SPTBN2: variants seen among roughly 807,000 people sequenced by gnomAD.
SPTBN2 encodes spectrin beta chain, non-erythrocytic 2.
A neutral mutation model predicts 284.2 loss-of-function variants in SPTBN2; 107 were observed. The observed-to-expected ratio is 0.38, with a 90% CI of 0.32 to 0.44. The LOEUF is 0.44. SPTBN2 is among the 20% of genes least tolerant of loss of function. The pLI is 1.00. For synonymous variants in SPTBN2, 1,289 were observed against 1,354.8 expected (o/e 0.95, Z 1.07); for missense variants, 2,569 against 3,287.1 (o/e 0.78, Z 5.34).
chr11:66,722,664 C>T (rs1304187697), intron 1 of SPTBN2, among the ~76,000 whole-genome samples: 1 of 149,816 alleles, frequency 6.7e-6, no homozygotes, highest in South Asian at 2.1e-4. Context: ...GAGGCCAAGG[C>T]GGGTGGCTCA....
rs770986418 is a variant in SPTBN2, at chr11:66,708,291, C to T, written c.1200G>A (p.Glu400=). 9 of 1,593,348 alleles carry T rather than the reference C, an allele frequency of 5.6e-6. No individual in the cohort carries two copies. In the East Asian group the frequency reaches 1.6e-4, roughly 28 times the overall value. ...GCTCGTGCTCCGCCTTCTCCAGCCG[C>T]TCCCAAGCCTATGGGGTGGGGACAG... ...RLISDINKAW[E]RLEKAEHERE... The change falls in exon 12 of 38, where the codon GAG becomes GAA. Residue 400 remains glutamate (E), a synonymous_variant. Coordinates refer to ENST00000533211, the MANE Select transcript of SPTBN2 (RefSeq NM_006946.4). The surrounding 1 kb of genome is among the most constrained non-coding windows in gnomAD (Gnocchi z 4.4).
rs1941651361 is a variant in SPTBN2, at chr11:66,707,898, G to C, written c.1351-80C>G. ...TGCTCCTCTGTCCTGCAGGGCACTT[G>C]GCCTGCAAGATCCCAGCTCCATGCG... On this transcript the variant is annotated intron_variant, in intron 12 of 37. Transcript: ENST00000533211. The surrounding 1 kb of genome is among the most constrained non-coding windows in gnomAD (Gnocchi z 4.9). The C allele has an allele frequency of 1.3e-6, 2 of 1,550,858 alleles. No homozygotes were observed. Among genetic ancestry groups the C allele is most frequent in the African/African-American group, 1.4e-5 (1 of 73,888 alleles).
intron 31 of SPTBN2, 27 bp from the exon 32 acceptor site, chr11:66,688,338 G>A: frequency 6.4e-7 from 1 of 1,559,156 alleles, no homozygotes; most frequent in Non-Finnish European, 8.7e-7. Context: ...CATTCAGCGT[G>A]TAGAAGGTTG....
chr11:66,725,950 C>T (rs479261), intron 1 of SPTBN2, among the ~76,000 whole-genome samples: 5,897 of 152,258 alleles, frequency 0.039, 169 homozygotes, highest in Non-Finnish European at 0.051. Context: ...GTTGATCATT[C>T]CCTCCTCTGT....
Position 66,696,367 on chromosome 11 carries a change from C to A in SPTBN2, c.4188G>T (p.Glu1396Asp), listed in dbSNP as rs1242880792. Reference protein sequence around the residue: ...ELFAQSCCALESWLESLQAQL... With the variant: ...ELFAQSCCALDSWLESLQAQL... ...GGGCCTGCAGGCTCTCCAGCCAGCT[C>A]TCCAGGGCACAGCAGCTCTGGGCAA... is the stretch of plus-strand genomic sequence containing the variant. Residue 1396 changes from glutamate (E) to aspartate (D), a missense_variant, in exon 21 of 38, where the codon GAG becomes GAT. Physicochemically the swap from Glu to Asp is conservative, Grantham distance 45 (BLOSUM62 2). Around this residue, in one of 6 missense-constraint regions of SPTBN2, gnomAD observed 49 missense variants for 92.6 expected, o/e 0.53. Coordinates refer to ENST00000533211, the MANE Select transcript of SPTBN2 (RefSeq NM_006946.4). 1 of 1,613,508 alleles carries A rather than the reference C, an allele frequency of 6.2e-7. No homozygotes were observed. The highest frequency in any genetic ancestry group is 8.5e-7 in the Non-Finnish European group (1 of 1,180,044).
chr11:66,717,615 C>T (rs144376893), intron 3 of SPTBN2, among the ~76,000 whole-genome samples: 144 of 152,330 alleles, frequency 9.5e-4, no homozygotes, highest in African/African-American at 3.2e-3. Context: ...GGCAGGTCTA[C>T]AGGCCCCATC....
Position 66,715,131 on chromosome 11 carries a change from T to G in SPTBN2, c.483+91A>C. 6.6e-7 allele frequency: 1 copy of G among 1,518,800 alleles called. No individual in the cohort carries two copies. Among genetic ancestry groups the G allele is most frequent in the Non-Finnish European group, 9.1e-7 (1 of 1,098,194 alleles). 94.1% of individuals were successfully genotyped at this position (1,518,800 alleles called of 1,614,324 possible). A position where few individuals can be genotyped will look rare whatever the true frequency, so the allele number is the denominator to read the frequency against. On this transcript the variant is annotated intron_variant, in intron 5 of 37. Transcript: ENST00000533211. The surrounding 1 kb of genome is among the most constrained non-coding windows in gnomAD (Gnocchi z 5.3). ...ACATAAGGTTCTAGATCCTCCATCT[T>G]TGTGTTTGTTGTGTCATGGGCCAGC...
chr11:66,723,435 G>A (rs2135573430), intron 1 of SPTBN2, among the ~76,000 whole-genome samples: 1 of 152,250 alleles, frequency 6.6e-6, no homozygotes, highest in African/African-American at 2.4e-5. Flanking sequence ...GGTAGGTGGT[G>A]AGACTCATGG....
In SPTBN2 at chr11:66,707,995, G is replaced by T; in HGVS notation, c.1350+146C>A. On this transcript the variant is annotated intron_variant, in intron 12 of 37. Coordinates refer to ENST00000533211, the MANE Select transcript of SPTBN2 (RefSeq NM_006946.4). The surrounding 1 kb of genome is among the most constrained non-coding windows in gnomAD (Gnocchi z 4.9). ...ACCCTCTCTCCTGTCCCACCCTCTG[G>T]CCCCTGGCTCCCGGACCTCTAGGCC... 7.0e-7 allele frequency: 1 copy of T among 1,434,312 alleles called. No homozygotes were observed. Among genetic ancestry groups the T allele is most frequent in the South Asian group, 1.2e-5 (1 of 81,464 alleles). 88.8% of individuals were successfully genotyped at this position (1,434,312 alleles called of 1,614,324 possible).
Position 66,721,358 on chromosome 11 carries a change from C to T in SPTBN2, c.-31G>A, listed in dbSNP as rs1369219642. ...CTGTCTTCTTGCCCTACCTGTGCTC[C>T]GCTCTCCTTGTGGCCAGAGGCTGCG... On this transcript the variant is annotated 5_prime_UTR_variant, in exon 2 of 38. Coordinates refer to ENST00000533211, the MANE Select transcript of SPTBN2 (RefSeq NM_006946.4). 4.9e-5 allele frequency: 68 copies of T among 1,396,492 alleles called. No individual in the cohort carries two copies. Among genetic ancestry groups the T allele is most frequent in the Admixed American group, 2.4e-4 (14 of 59,100 alleles). The allele number at this position is 1,396,492 out of a possible 1,614,324, so 86.5% of individuals were successfully genotyped here.
intron 1 of SPTBN2, among the ~76,000 whole-genome samples, chr11:66,739,627 T>C (rs903515712): frequency 4.6e-5 from 7 of 152,236 alleles, no homozygotes; most frequent in Non-Finnish European, 1.0e-4. Context: ...TGTGACCACA[T>C]TACAGTGCTG....
chr11:66,731,341 C>T (rs1159338166), upstream of SPTBN2, among the ~76,000 whole-genome samples: 2 of 152,164 alleles, frequency 1.3e-5, no homozygotes, highest in Non-Finnish European at 2.9e-5. Context: ...AAGAAAATAT[C>T]TGGTTCCTTC....
intron 36 of SPTBN2, 25 bp downstream of exon 36, chr11:66,686,969 C>T (rs375407288): frequency 9.3e-6 from 15 of 1,613,414 alleles, no homozygotes; most frequent in African/African-American, 5.3e-5. Context: ...CCTCCCATCC[C>T]GAGAGCACTG....
At chr11:66,689,011 T>C in intron 30 of SPTBN2, 85 bp downstream of exon 30, 1 of 1,495,644 alleles carries the variant, frequency 6.7e-7, no homozygotes, top group African/African-American at 1.4e-5. Flanking sequence ...ACACCCAGGG[T>C]TCCTAGTCTC....
intron 28 of SPTBN2, 38 bp from the exon 29 acceptor site, chr11:66,689,981 A>C (rs767464367): frequency 6.2e-7 from 1 of 1,612,648 alleles, no homozygotes; most frequent in Non-Finnish European, 8.5e-7. Context: ...TGCTGCCCAC[A>C]GCCCCATCAC....
chr11:66,686,914 C>G, intron 36 of SPTBN2, 80 bp downstream of exon 36: 4 of 1,592,336 alleles, frequency 2.5e-6, no homozygotes, highest in Non-Finnish European at 3.4e-6. Context: ...GAACTCCCCT[C>G]CCTCTGGACC....
At position 66,700,929 on chromosome 11, in the gene SPTBN2, C is replaced by A; in HGVS notation, c.3170G>T (p.Arg1057Leu). 1 of 1,602,770 alleles carries A rather than the reference C, an allele frequency of 6.2e-7. No homozygotes were observed. Residue 1057 changes from arginine to leucine, a missense_variant, in exon 17 of 38, where the codon CGA becomes CTA. By Grantham distance (102) the Arg-to-Leu change is moderately radical (BLOSUM62 -2). Around this residue, in one of 6 missense-constraint regions of SPTBN2, gnomAD observed 1,012 missense variants for 1,248.9 expected, o/e 0.81. Transcript: ENST00000533211. This position sits in a 1 kb window ranked among gnomAD's most constrained non-coding sequence, Gnocchi z 6.6. Reference sequence around the variant, plus strand: ...CCGCGCCTCCCCCAGCGACTCTTCTCGACGCCGCATGGTGGCCCTGAGGTC... The same window carrying A: ...CCGCGCCTCCCCCAGCGACTCTTCTAGACGCCGCATGGTGGCCCTGAGGTC... ...WEDLRATMRR[R>L]EESLGEARRL...
chr11:66,729,465 CAA>C (rs771434320), upstream of SPTBN2, among the ~76,000 whole-genome samples: 2 of 152,046 alleles, frequency 1.3e-5, no homozygotes, highest in African/African-American at 2.4e-5. Flanking sequence ...TAAGGGCACT[CAA>C]AGAATGGGCT....
intron 1 of SPTBN2, among the ~76,000 whole-genome samples, chr11:66,722,432 T>C (rs759794107): frequency 2.4e-4 from 37 of 151,132 alleles, no homozygotes; most frequent in South Asian, 1.5e-3. Context: ...AAAAATTAGC[T>C]GGGTGTGGTG....
Sources: gnomAD v4.1 joint callset for allele counts (sites outside exome capture counted in the v4.1 genomes callset) on GRCh38, gnomAD v4.1.1 for gene constraint, gnomAD v4.1.1 regional missense constraint, Gnocchi (gnomAD v3.1) non-coding constraint, MANE v1.5 for transcripts, NCBI Gene and HGNC (gene_info 2026-07-23, HGNC 2026-07-21) for gene names.